The following VMP1 variants were observed in gnomAD, a reference collection of about 807,000 sequenced individuals.
VMP1 encodes the protein ectopic P-granules autophagy protein 3 homolog.
Under a neutral mutation model 56.0 loss-of-function variants are expected in VMP1, and 11 were observed. The observed-to-expected ratio is 0.20, with a 90% confidence interval of 0.12 to 0.32. The LOEUF (loss-of-function observed/expected upper bound fraction) is 0.32, where lower values mean the gene tolerates loss of function less well. VMP1 is among the 10% of genes least tolerant of loss of function. The probability of loss-of-function intolerance (pLI) is 1.00; values close to 1 mark genes in which losing one functional copy is unlikely to be tolerated. For missense variants in VMP1, 296 were observed against 490.3 expected, an observed-to-expected ratio of 0.60 and a Z score of 3.74; for synonymous variants, 149 against 165.0, an observed-to-expected ratio of 0.90 and a Z score of 0.74.
chr17:59,733,878 C>T (rs539395306), intron 2 of VMP1, among the ~76,000 whole-genome samples: 24 of 152,210 alleles, frequency 1.6e-4, no homozygotes, highest in African/African-American at 4.6e-4. Context: ...CCCCATTTTA[C>T]AGAAGAGAAA....
At chr17:59,798,135 G>T (rs942200755) in intron 7 of VMP1, among the ~76,000 whole-genome samples, 1 of 152,144 alleles carries the variant, frequency 6.6e-6, no homozygotes, top group Non-Finnish European at 1.5e-5. Flanking sequence ...TTATGCCTTA[G>T]TTTAAAAAAC....
At chr17:59,733,357 C>G (rs2034905069) in intron 2 of VMP1, among the ~76,000 whole-genome samples, 1 of 151,956 alleles carries the variant, frequency 6.6e-6, no homozygotes, top group Non-Finnish European at 1.5e-5. Context: ...AGTCATTTCA[C>G]CTTATACCTA....
chr17:59,727,380 C>T (rs1300855288), intron 1 of VMP1, among the ~76,000 whole-genome samples: 3 of 152,032 alleles, frequency 2.0e-5, no homozygotes, highest in Admixed American at 1.3e-4. Flanking sequence ...GTGATCTGCC[C>T]GCCTCAGCCT....
At chr17:59,808,980 A>T (rs1266886510) in intron 8 of VMP1, 104 bp downstream of exon 8, 4 of 886,742 alleles carry the variant, frequency 4.5e-6, no homozygotes, top group East Asian at 5.6e-5. Flanking sequence ...TTTATTGGGT[A>T]TGTAATTTTG....
intron 7 of VMP1, among the ~76,000 whole-genome samples, chr17:59,786,361 C>A (rs1227206301): frequency 6.6e-6 from 1 of 152,162 alleles, no homozygotes; most frequent in African/African-American, 2.4e-5. Flanking sequence ...CTCTTTTAAG[C>A]ACATTTTCCT....
At chr17:59,814,768 A>G (rs1962381803) in intron 9 of VMP1, among the ~76,000 whole-genome samples, 1 of 152,170 alleles carries the variant, frequency 6.6e-6, no homozygotes. Context: ...GCTAAAATCC[A>G]TTTATGTTTC....
At chr17:59,831,828 A>G (rs1344299364) in intron 10 of VMP1, among the ~76,000 whole-genome samples, 2 of 151,274 alleles carry the variant, frequency 1.3e-5, no homozygotes, top group Non-Finnish European at 2.9e-5. Flanking sequence ...AGTTAACAAT[A>G]ACAAAAGTGT....
intron 5 of VMP1, among the ~76,000 whole-genome samples, chr17:59,761,305 A>G (rs567233765): frequency 1.3e-5 from 2 of 152,240 alleles, no homozygotes; most frequent in East Asian, 1.9e-4. Flanking sequence ...CTATTGAGCA[A>G]TATTTCTTTT....
intron 11 of VMP1, 173 bp from the exon 12 acceptor site, chr17:59,839,595 G>A (rs2039093184): frequency 4.2e-6 from 3 of 707,112 alleles, no homozygotes; most frequent in South Asian, 4.3e-5. Context: ...CTTGATAGTT[G>A]GGTGTAAAAA....
chr17:59,833,554 A>G (rs1288688427), intron 10 of VMP1, among the ~76,000 whole-genome samples: 1 of 152,190 alleles, frequency 6.6e-6, no homozygotes, highest in African/African-American at 2.4e-5. Context: ...TCTGTTTTCA[A>G]CTGTTTTCCT....
intron 5 of VMP1, among the ~76,000 whole-genome samples, chr17:59,757,287 A>G (rs1201946580): frequency 2.1e-5 from 3 of 141,724 alleles, no homozygotes; most frequent in Non-Finnish European, 4.6e-5. Flanking sequence ...ATAGATAGAT[A>G]GATAGATGTG....
At chr17:59,759,810 C>T (rs1468414585) in intron 5 of VMP1, among the ~76,000 whole-genome samples, 1 of 151,226 alleles carries the variant, frequency 6.6e-6, no homozygotes, top group Non-Finnish European at 1.5e-5. Flanking sequence ...AACTGTTTGT[C>T]ATATCTAATT....
chr17:59,728,568 G>A (rs2034697192), intron 1 of VMP1, among the ~76,000 whole-genome samples: 1 of 152,182 alleles, frequency 6.6e-6, no homozygotes, highest in Non-Finnish European at 1.5e-5. Context: ...CGCGTGGGTA[G>A]TGGCTCATGC....
In VMP1 at chr17:59,773,762, T is replaced by C. The variant is rs1401567068; in HGVS notation, c.591T>C (p.Gly197=). 6.2e-7 allele frequency: 1 copy of C among 1,604,934 alleles called. No homozygotes were observed. The highest frequency in any genetic ancestry group is 2.2e-5 in the East Asian group (1 of 44,796). ...VRIEACMWGI[G]TAIGELPPYF... is the part of the protein sequence containing the mutation. The stretch of plus-strand genomic sequence containing the variant: ...TTTGGTTTTTCACCTAGGGTATCGG[T>C]ACAGCAATCGGAGAGCTGCCTCCAT... The change falls in exon 7 of 12, where the codon GGT becomes GGC. Residue 197 remains glycine (G), a synonymous_variant. Coordinates refer to ENST00000262291, the MANE Select transcript of VMP1 (RefSeq NM_030938.5).
At chr17:59,805,346 A>G (rs2037809941) in intron 7 of VMP1, among the ~76,000 whole-genome samples, 1 of 152,192 alleles carries the variant, frequency 6.6e-6, no homozygotes, top group Non-Finnish European at 1.5e-5. Flanking sequence ...TTTGTTAGTA[A>G]TGATCACTGT....
At position 59,839,806 on chromosome 17, in the gene VMP1, C is replaced by T. The variant is rs111262775; in HGVS notation, c.1116C>T (p.Val372=). 49 of 1,612,832 alleles carry T rather than the reference C, an allele frequency of 3.0e-5. 1 individual carries two copies. The highest frequency in any genetic ancestry group is 2.3e-4 in the African/African-American group (17 of 74,852). The change falls in exon 12 of 12, where the codon GTC becomes GTT. Residue 372 remains valine, a synonymous_variant. Transcript: ENST00000262291. The part of the protein sequence containing the change: ...NWLSWMFEKL[V]VVMVCYFILS... ...TGTCCTGGATGTTTGAAAAGTTGGT[C>T]GTTGTCATGGTGTGTTACTTCATCC... is the stretch of plus-strand genomic sequence containing the variant.
At chr17:59,773,305 G>T (rs988050848) in intron 6 of VMP1, among the ~76,000 whole-genome samples, 2 of 132,714 alleles carry the variant, frequency 1.5e-5, no homozygotes, top group Admixed American at 7.0e-5. Flanking sequence ...CAGAAGCGGT[G>T]GGGGGGGGCA....
Position 59,743,547 on chromosome 17 carries a change from T to C in VMP1, c.414+4600T>C, listed in dbSNP as rs1051935272. Among the ~76,000 whole-genome samples, 3 of 151,064 alleles carry C rather than the reference T, an allele frequency of 2.0e-5. No individual in the cohort carries two copies. In the East Asian group the frequency reaches 5.8e-4, roughly 29 times the overall value. On this transcript the variant is annotated intron_variant, in intron 5 of 11. Transcript: ENST00000262291. ...TTGTTTGTTCCTGTTTGGCAATTAT[T>C]TTTAAAAAACTGCTCTCTCTCTCTC...
intron 3 of VMP1, among the ~76,000 whole-genome samples, chr17:59,736,271 C>T (rs757663987): frequency 2.0e-5 from 3 of 151,186 alleles, no homozygotes; most frequent in Non-Finnish European, 2.9e-5. Context: ...GGCGTGGTGG[C>T]ATGTGCCTGT....
Sources: gnomAD v4.1 joint callset for allele counts (sites outside exome capture counted in the v4.1 genomes callset) on GRCh38, gnomAD v4.1.1 for gene constraint, MANE v1.5 for transcripts, NCBI Gene and HGNC (gene_info 2026-07-23, HGNC 2026-07-21) for gene names.